The following WNT3 variants were observed in gnomAD, a reference collection of about 807,000 sequenced individuals.
The protein encoded by WNT3 is proto-oncogene Wnt-3.
WNT3 carries 7 observed loss-of-function variants against 34.2 expected under a neutral mutation model. The observed-to-expected ratio is 0.20, with a 90% confidence interval of 0.12 to 0.38. The LOEUF is 0.38. Among genes scored for constraint, WNT3 ranks in the 10% least tolerant of loss-of-function variants. The pLI is 1.00. For missense variants in WNT3, 267 were observed against 499.8 expected (o/e 0.53, Z 4.44); for synonymous variants, 212 against 211.5 (o/e 1.00, Z -0.02).
intron 2 of WNT3, among the ~76,000 whole-genome samples, chr17:46,772,104 G>A (rs1598757985): frequency 6.6e-6 from 1 of 152,112 alleles, no homozygotes; most frequent in South Asian, 2.1e-4. Context: ...CCGGGGGCGG[G>A]GTGCAAACGT....
At chr17:46,800,795 A>G (rs2084114739) in intron 1 of WNT3, among the ~76,000 whole-genome samples, 1 of 152,168 alleles carries the variant, frequency 6.6e-6, no homozygotes, top group African/African-American at 2.4e-5. Context: ...CAGGTGACTT[A>G]CAGTCTAGTC....
intron 1 of WNT3, among the ~76,000 whole-genome samples, chr17:46,780,325 C>A (rs181959778): frequency 9.3e-4 from 142 of 152,326 alleles, no homozygotes; most frequent in African/African-American, 3.4e-3. Context: ...TTAGGGTAGG[C>A]AGTCCTGCAC....
intron 1 of WNT3, among the ~76,000 whole-genome samples, chr17:46,814,148 G>A (rs1598801709): frequency 6.6e-6 from 1 of 152,228 alleles, no homozygotes; most frequent in African/African-American, 2.4e-5. Flanking sequence ...CTGGGGTGGA[G>A]GTGGGGGTGA....
At position 46,773,623 on chromosome 17, in the gene WNT3, T is replaced by TGCCC; in HGVS notation, c.322+44_322+45insGGGC. The TGCCC allele has an allele frequency of 6.5e-5, 25 of 383,488 alleles. 1 individual carries two copies. Among genetic ancestry groups the TGCCC allele is most frequent in the Non-Finnish European group, 1.0e-4 (20 of 193,330 alleles). The allele number at this position is 383,488 out of a possible 1,614,324, so 23.8% of individuals were successfully genotyped here. On this transcript the variant is annotated intron_variant, in intron 2 of 4. Transcript: ENST00000225512. ...TGGAAGGGCATACAGTCCTGATCCCTCCCCCCACCCAGCCCCTCCCCCCCC... is the reference window on the plus strand; with the variant it reads ...TGGAAGGGCATACAGTCCTGATCCCTGCCCCCCCCCACCCAGCCCCTCCCCCCCC...
At chr17:46,818,496 G>T (rs1230186521) in intron 1 of WNT3, 22 bp downstream of exon 1, 1 of 1,593,354 alleles carries the variant, frequency 6.3e-7, no homozygotes, top group South Asian at 1.1e-5. Context: ...CGGGCCGCGG[G>T]CAGACAAGAG....
At chr17:46,811,133 G>A (rs2084269738) in intron 1 of WNT3, among the ~76,000 whole-genome samples, 1 of 100,854 alleles carries the variant, frequency 9.9e-6, no homozygotes, top group Non-Finnish European at 2.6e-5. Flanking sequence ...CAGATAAATC[G>A]ACACTACTGG....
chr17:46,770,077 T>G, intron 2 of WNT3, 29 bp from the exon 3 acceptor site: 1 of 1,520,648 alleles, frequency 6.6e-7, no homozygotes, highest in East Asian at 2.5e-5. Flanking sequence ...GAGGCAGCAC[T>G]CAGGACCCGG....
At chr17:46,779,052 A>ATCTC (rs1213978142) in intron 1 of WNT3, among the ~76,000 whole-genome samples, 1 of 22,678 alleles carries the variant, frequency 4.4e-5, no homozygotes, top group African/African-American at 1.6e-4. Context: ...TCCCTACCCC[A>ATCTC]TCACACACAC....
intron 1 of WNT3, among the ~76,000 whole-genome samples, chr17:46,789,315 C>T (rs1002682286): frequency 6.6e-5 from 10 of 152,194 alleles, no homozygotes; most frequent in Admixed American, 5.9e-4. Context: ...AAGGACAGTC[C>T]CTGACCAGCT....
At chr17:46,778,545 TGCCC>T (rs2059430656) in intron 1 of WNT3, among the ~76,000 whole-genome samples, 1 of 152,106 alleles carries the variant, frequency 6.6e-6, no homozygotes, top group Admixed American at 6.5e-5. Context: ...CTGAGCCTCC[TGCCC>T]GCACACTGCT....
chr17:46,781,104 T>G (rs528125430), intron 1 of WNT3, among the ~76,000 whole-genome samples: 42 of 152,052 alleles, frequency 2.8e-4, no homozygotes, highest in African/African-American at 9.6e-4. Context: ...GGTGCGTGCC[T>G]GTAGTCCCAG....
In WNT3 at chr17:46,818,542, A is replaced by C. The variant is rs1413404583; in HGVS notation, c.56T>G (p.Val19Gly). ...CCACCAAATTGGGTAGCCAGCGAGGACCCTGGTGCCACCGAGCAGGAGGCC... is the reference window on the plus strand; with the variant it reads ...CCACCAAATTGGGTAGCCAGCGAGGCCCCTGGTGCCACCGAGCAGGAGGCC... ...LLGLLLGGTRVLAGYPIWWSL... is the reference protein window; with the variant it reads ...LLGLLLGGTRGLAGYPIWWSL... The change falls in exon 1 of 5, where the codon GTC becomes GGC. Residue 19 changes from valine to glycine, a missense_variant. Around this residue, in one of 3 missense-constraint regions of WNT3, gnomAD observed 26 missense variants for 25.8 expected, o/e 1.01. Transcript: ENST00000225512. 1 of 1,608,646 alleles carries C rather than the reference A, an allele frequency of 6.2e-7. No individual in the cohort carries two copies. The highest frequency in any genetic ancestry group is 8.5e-7 in the Non-Finnish European group (1 of 1,178,436).
intron 1 of WNT3, among the ~76,000 whole-genome samples, chr17:46,803,484 G>A (rs895222869): frequency 6.6e-6 from 1 of 152,100 alleles, no homozygotes; most frequent in African/African-American, 2.4e-5. Flanking sequence ...TAGTGAGATC[G>A]TGTCACTGCA....
rs1340180694 is a variant in WNT3 at position 46,815,291 on chromosome 17, G to A, written c.80+3227C>T. Reference sequence around the variant, plus strand: ...TCCTGTCCCGGCTCTGTCACTACCTGGAGAACATCTCTTCCTTCCAGGGGT... The same window carrying A: ...TCCTGTCCCGGCTCTGTCACTACCTAGAGAACATCTCTTCCTTCCAGGGGT... On this transcript the variant is annotated intron_variant, in intron 1 of 4. Coordinates refer to ENST00000225512, the MANE Select transcript of WNT3 (RefSeq NM_030753.5). Among the ~76,000 whole-genome samples the A allele has an allele frequency of 2.0e-5, 3 of 152,282 alleles. No homozygotes were observed. In the East Asian group the frequency reaches 5.8e-4, roughly 29 times the overall value.
intron 1 of WNT3, among the ~76,000 whole-genome samples, chr17:46,782,428 T>C (rs1218157577): frequency 6.6e-6 from 1 of 152,184 alleles, no homozygotes. Context: ...TGCTGGCTCC[T>C]GGGCAGTACT....
At chr17:46,807,937 T>C (rs1385384374) in intron 1 of WNT3, among the ~76,000 whole-genome samples, 1 of 152,118 alleles carries the variant, frequency 6.6e-6, no homozygotes, top group Non-Finnish European at 1.5e-5. Flanking sequence ...GAAGGTCGAA[T>C]TGTAAAAGTG....
chr17:46,814,509 C>A (rs1338013412), intron 1 of WNT3, among the ~76,000 whole-genome samples: 1 of 152,170 alleles, frequency 6.6e-6, no homozygotes, highest in South Asian at 2.1e-4. Context: ...ATATCCCCCC[C>A]AGGGAAAGGT....
At chr17:46,816,864 A>C (rs2084357589) in intron 1 of WNT3, among the ~76,000 whole-genome samples, 2 of 152,180 alleles carry the variant, frequency 1.3e-5, no homozygotes, top group Admixed American at 1.3e-4. Flanking sequence ...TGGCCCGGGA[A>C]TGGGAAGAGG....
At chr17:46,811,653 C>T (rs1328940468) in intron 1 of WNT3, among the ~76,000 whole-genome samples, 5 of 152,194 alleles carry the variant, frequency 3.3e-5, no homozygotes, top group Non-Finnish European at 5.9e-5. Flanking sequence ...AGTTGCCTCT[C>T]AGAAGATTCT....
Sources: gnomAD v4.1 joint callset for allele counts (sites outside exome capture counted in the v4.1 genomes callset) on GRCh38, gnomAD v4.1.1 for gene constraint, gnomAD v4.1.1 regional missense constraint, MANE v1.5 for transcripts, NCBI Gene and HGNC (gene_info 2026-07-23, HGNC 2026-07-21) for gene names.